PON3: variants seen among roughly 807,000 people sequenced by gnomAD.
PON3 encodes serum paraoxonase/lactonase 3.
Under a neutral mutation model 36.3 loss-of-function variants are expected in PON3, and 37 were observed. The ratio of observed to expected loss-of-function variants is 1.02; its 90% CI spans 0.78 to 1.34. The LOEUF is 1.34. Ranked by LOEUF, PON3 falls within the 40% of genes most tolerant of loss-of-function variation. The pLI, the probability that PON3 is intolerant of heterozygous loss-of-function variation, is 0.00. For missense variants in PON3, 415 were observed against 426.5 expected (o/e 0.97, Z 0.24); for synonymous variants, 155 against 154.8 (o/e 1.00, Z -0.01).
intron 2 of PON3, among the ~76,000 whole-genome samples, chr7:95,393,307 G>T (rs1809359918): frequency 6.6e-6 from 1 of 152,152 alleles, no homozygotes. Context: ...TATAATACAA[G>T]GCATGTGGCA....
At chr7:95,382,325 T>C (rs899610917) in intron 3 of PON3, among the ~76,000 whole-genome samples, 14 of 152,208 alleles carry the variant, frequency 9.2e-5, no homozygotes, top group Non-Finnish European at 2.1e-4. Flanking sequence ...ATTCAAAAGC[T>C]AGCAGAAGAC....
At chr7:95,362,341 C>G in intron 8 of PON3, 21 bp downstream of exon 8, 1 of 1,613,366 alleles carries the variant, frequency 6.2e-7, no homozygotes, top group Non-Finnish European at 8.5e-7. Context: ...CCTGTGAGCT[C>G]AGAGAGGTAT....
rs1473681544 is a variant in PON3 at position 95,394,717 on chromosome 7, G to T, written c.75-3C>A. ...CTCGAGAGGCATTCACCCTTTCTCT[G>T]TAGAAGATAAAACCCAACCCTGGAA... On this transcript the variant is annotated splice_polypyrimidine_tract_variant and splice_region_variant and intron_variant, in intron 1 of 8. Transcript: ENST00000265627. 2 of 1,613,830 alleles carry T rather than the reference G, an allele frequency of 1.2e-6. No homozygotes were observed. Among genetic ancestry groups the T allele is most frequent in the Non-Finnish European group, 1.7e-6 (2 of 1,179,842 alleles).
intron 2 of PON3, among the ~76,000 whole-genome samples, chr7:95,391,500 T>C (rs866913522): frequency 6.6e-6 from 1 of 152,242 alleles, no homozygotes; most frequent in Non-Finnish European, 1.5e-5. Flanking sequence ...CTATGAGATA[T>C]GATTTCCAGA....
chr7:95,383,562 GACAA>G (rs1282247768), intron 3 of PON3, among the ~76,000 whole-genome samples: 31 of 152,188 alleles, frequency 2.0e-4, no homozygotes, highest in African/African-American at 5.8e-4. Context: ...ACCAATAACA[GACAA>G]ACAGAGAGCC....
intron 3 of PON3, among the ~76,000 whole-genome samples, chr7:95,373,304 A>C (rs997874601): frequency 2.0e-5 from 3 of 152,022 alleles, no homozygotes; most frequent in African/African-American, 7.3e-5. Context: ...TGATACTATT[A>C]CTGGCTCTTC....
Position 95,396,344 on chromosome 7 carries a change from T to A in PON3, c.7A>T (p.Lys3Ter). Residue 3 changes from lysine to a stop codon, truncating the protein, a stop_gained, in exon 1 of 9, where the codon AAG becomes TAG. Transcript: ENST00000265627. LOFTEE classifies it high-confidence loss of function. MG[K>*]LVALVLLGVG... ...CCCAGCAGGACCAGCGCCACGAGCT[T>A]CCCCATGGTCTCGGGGTGCCCAGCG... 6.2e-7 allele frequency: 1 copy of A among 1,613,272 alleles called. No homozygotes were observed. Among genetic ancestry groups the A allele is most frequent in the Non-Finnish European group, 8.5e-7 (1 of 1,179,770 alleles).
In PON3 at chr7:95,362,300, T is replaced by C. The variant is rs1585716878; in HGVS notation, c.906+62A>G. On this transcript the variant is annotated intron_variant, in intron 8 of 8. Coordinates refer to ENST00000265627, the MANE Select transcript of PON3 (RefSeq NM_000940.3). Reference sequence around the variant, plus strand: ...TGTGACTGGCTTAAATTCTTCCAAGTCACCCCAACAAATTTGTTCTTGCAG... The same window carrying C: ...TGTGACTGGCTTAAATTCTTCCAAGCCACCCCAACAAATTTGTTCTTGCAG... The C allele has an allele frequency of 3.1e-6, 5 of 1,599,016 alleles. 1 individual carries two copies. The Middle Eastern group carries it at 6.6e-4, about 212-fold the overall frequency.
At chr7:95,396,043 C>G (rs1036686673) in intron 1 of PON3, 21 of 579,546 alleles carry the variant, frequency 3.6e-5, no homozygotes, top group African/African-American at 5.6e-5. Flanking sequence ...AGTGGGGGAT[C>G]ATAACCTTCA....
At chr7:95,390,265 T>C (rs1172044934) in intron 2 of PON3, 56 bp from the exon 3 acceptor site, 1 of 1,324,254 alleles carries the variant, frequency 7.6e-7, no homozygotes, top group East Asian at 2.3e-5. Flanking sequence ...AAAAAATACG[T>C]CTCACAGTCC....
intron 3 of PON3, among the ~76,000 whole-genome samples, chr7:95,376,845 T>C (rs1423870576): frequency 1.3e-5 from 2 of 151,982 alleles, no homozygotes; most frequent in Non-Finnish European, 2.9e-5. Context: ...AGAAGACAGG[T>C]GATTTCTGCA....
rs780052285 is a variant in PON3 at position 95,359,928 on chromosome 7, T to A, written c.*45A>T. 1 of 1,574,462 alleles carries A rather than the reference T, an allele frequency of 6.4e-7. No homozygotes were observed. On this transcript the variant is annotated 3_prime_UTR_variant, in exon 9 of 9. Coordinates refer to ENST00000265627, the MANE Select transcript of PON3 (RefSeq NM_000940.3). ...TATCATACAATTATCAGTTTACTTT[T>A]ACAAAATATGTAGACTTTTTTTTTT...
At chr7:95,372,541 G>GA (rs1432600351) in intron 3 of PON3, among the ~76,000 whole-genome samples, 2 of 152,070 alleles carry the variant, frequency 1.3e-5, no homozygotes, top group Non-Finnish European at 2.9e-5. Context: ...TATGAACACA[G>GA]AAAGAACCAT....
At chr7:95,387,546 G>A (rs779222598) in intron 3 of PON3, among the ~76,000 whole-genome samples, 30 of 152,048 alleles carry the variant, frequency 2.0e-4, no homozygotes, top group Non-Finnish European at 3.5e-4. Context: ...CATGAAAATG[G>A]CCATACTGCC....
At chr7:95,387,827 C>G (rs1164328281) in intron 3 of PON3, among the ~76,000 whole-genome samples, 1 of 152,126 alleles carries the variant, frequency 6.6e-6, no homozygotes, top group African/African-American at 2.4e-5. Context: ...GAAATAACAC[C>G]ACACATCTAC....
intron 3 of PON3, among the ~76,000 whole-genome samples, chr7:95,377,023 A>C (rs1263878877): frequency 6.6e-6 from 1 of 152,222 alleles, no homozygotes; most frequent in Admixed American, 6.5e-5. Flanking sequence ...CTGTACCTGG[A>C]GGAACGGTAC....
intron 8 of PON3, 149 bp downstream of exon 8, chr7:95,362,213 C>G: frequency 2.1e-6 from 2 of 956,902 alleles, no homozygotes; most frequent in South Asian, 2.8e-5. Context: ...ACCTTATCTC[C>G]CTACCTGTCA....
chr7:95,393,903 T>C (rs1215339917), intron 2 of PON3, among the ~76,000 whole-genome samples: 2 of 152,052 alleles, frequency 1.3e-5, no homozygotes, highest in Non-Finnish European at 2.9e-5. Context: ...CTTCGTTTAT[T>C]ATTTTTTTTA....
intron 5 of PON3, 41 bp downstream of exon 5, chr7:95,367,321 G>A: frequency 2.5e-6 from 4 of 1,604,710 alleles, no homozygotes; most frequent in South Asian, 2.2e-5. Flanking sequence ...CACAGCAGAG[G>A]TGCAAAGTAA....
Sources: gnomAD v4.1 joint callset for allele counts (sites outside exome capture counted in the v4.1 genomes callset) on GRCh38, gnomAD v4.1.1 for gene constraint, MANE v1.5 for transcripts, NCBI Gene and HGNC (gene_info 2026-07-23, HGNC 2026-07-21) for gene names.